DYSF: variants seen among roughly 807,000 people sequenced by gnomAD.
DYSF encodes dystrophy-associated fer-1-like 1.
DYSF carries 212 observed loss-of-function variants against 274.9 expected under a neutral mutation model. The ratio of observed to expected loss-of-function variants is 0.77; its 90% CI spans 0.69 to 0.86. The LOEUF (loss-of-function observed/expected upper bound fraction) is 0.86, where lower values mean the gene tolerates loss of function less well. Among genes scored for constraint, DYSF ranks in the 40% least tolerant of loss-of-function variants. DYSF has a pLI of 0.00. For synonymous variants in DYSF, 1,091 were observed against 1,078.7 expected, an observed-to-expected ratio of 1.01 and a Z score of -0.22; for missense variants, 2,666 against 2,783.2, an observed-to-expected ratio of 0.96 and a Z score of 0.95.
chr2:71,672,088 G>A (rs1159806307), intron 51 of DYSF, among the ~76,000 whole-genome samples: 1 of 150,954 alleles, frequency 6.6e-6, no homozygotes, highest in East Asian at 1.9e-4. Context: ...GCTGGAAGGA[G>A]GGGCGGAGAA....
intron 1 of DYSF, among the ~76,000 whole-genome samples, chr2:71,476,455 C>G (rs538191463): frequency 2.7e-4 from 41 of 151,584 alleles, no homozygotes; most frequent in Non-Finnish European, 7.4e-5. Context: ...GCATGAGAAT[C>G]GCTTGAACCT....
chr2:71,528,452 C>T, intron 14 of DYSF, 51 bp downstream of exon 14: 1 of 1,479,772 alleles, frequency 6.8e-7, no homozygotes, highest in Non-Finnish European at 9.4e-7. Context: ...CTTTCTGGTG[C>T]CCTGTGGACT....
upstream of DYSF, among the ~76,000 whole-genome samples, chr2:71,464,379 T>A (rs183564913): frequency 6.6e-6 from 1 of 152,302 alleles, no homozygotes; most frequent in East Asian, 1.9e-4. Context: ...TTAAGACACA[T>A]GTGCTATACA....
intron 42 of DYSF, among the ~76,000 whole-genome samples, chr2:71,646,143 A>G (rs1002068959): frequency 6.6e-6 from 1 of 152,242 alleles, no homozygotes; most frequent in Non-Finnish European, 1.5e-5. Flanking sequence ...TCAGGCAGCA[A>G]GTTCCTCCTC....
chr2:71,566,058 G>A (rs1489758639), intron 24 of DYSF, among the ~76,000 whole-genome samples: 1 of 152,196 alleles, frequency 6.6e-6, no homozygotes, highest in African/African-American at 2.4e-5. Flanking sequence ...GCCACCTGGG[G>A]CATGTTTCCC....
intron 1 of DYSF, among the ~76,000 whole-genome samples, chr2:71,461,053 A>G (rs2081264789): frequency 6.6e-6 from 1 of 152,196 alleles, no homozygotes; most frequent in African/African-American, 2.4e-5. Flanking sequence ...ACCAGTGGGC[A>G]GAACCCACAC....
intron 3 of DYSF, among the ~76,000 whole-genome samples, chr2:71,483,296 A>G (rs1238728457): frequency 1.3e-5 from 2 of 152,134 alleles, no homozygotes; most frequent in African/African-American, 4.8e-5. Flanking sequence ...CATTTCAGCT[A>G]CCTTCCAACG....
rs1553531682 is a variant in DYSF at position 71,528,296 on chromosome 2, A to C, written c.1277-2A>C. Reference sequence around the variant, plus strand: ...CAGTGACTGGTGTGTCCCTCTTCCCAGTGGACGATGCCGTGATGGACAACG... The same window carrying C: ...CAGTGACTGGTGTGTCCCTCTTCCCCGTGGACGATGCCGTGATGGACAACG... On this transcript the variant is annotated splice_acceptor_variant, in intron 13 of 55. Transcript: ENST00000410020. LOFTEE classifies it high-confidence loss of function. 2 of 1,613,468 alleles carry C rather than the reference A, an allele frequency of 1.2e-6. No homozygotes were observed. The highest frequency in any genetic ancestry group is 1.7e-6 in the Non-Finnish European group (2 of 1,179,696).
At chr2:71,618,810 G>A (rs1456861506) in intron 40 of DYSF, among the ~76,000 whole-genome samples, 1 of 151,790 alleles carries the variant, frequency 6.6e-6, no homozygotes, top group East Asian at 1.9e-4. Context: ...GGTGCCAGCA[G>A]GAGACAGGCC....
chr2:71,667,482 C>T lies in DYSF; in HGVS notation c.5424C>T (p.Pro1808=), dbSNP rs137855767. The part of the protein sequence containing the change: ...GLVPEHVESR[P]LYSPLQPDIE... The stretch of plus-strand genomic sequence containing the variant: ...TCCCGGAGCACGTGGAGTCACGGCC[C>T]CTCTACAGCCCCCTGCAGCCAGACA... The change falls in exon 48 of 56, where the codon CCC becomes CCT. Residue 1808 remains proline, a synonymous_variant. Transcript: ENST00000410020. The T allele has an allele frequency of 2.7e-5, 43 of 1,614,164 alleles. No individual in the cohort carries two copies. The African/African-American group carries it at 5.5e-4, about 21-fold the overall frequency.
intron 36 of DYSF, chr2:71,610,833 C>T: frequency 3.3e-6 from 1 of 300,350 alleles, no homozygotes; most frequent in Non-Finnish European, 6.5e-6. Context: ...GGCTGGCGGG[C>T]AGGCACATGG....
chr2:71,493,186 G>T (rs1196871856), intron 3 of DYSF, among the ~76,000 whole-genome samples: 1 of 152,154 alleles, frequency 6.6e-6, no homozygotes, highest in African/African-American at 2.4e-5. Flanking sequence ...ACAGCACCTG[G>T]CTGATACCAT....
At chr2:71,459,647 A>G (rs1339088152) in intron 1 of DYSF, among the ~76,000 whole-genome samples, 1 of 152,158 alleles carries the variant, frequency 6.6e-6, no homozygotes, top group Non-Finnish European at 1.5e-5. Context: ...ATTTTGTTAT[A>G]AAACATTGTA....
rs139483062 is a variant in DYSF, at chr2:71,658,722, A to G, written c.4756-156A>G. Among the ~76,000 whole-genome samples, 1,350 of 152,316 alleles carry G rather than the reference A, an allele frequency of 8.9e-3. 67 individuals carry two copies. Among genetic ancestry groups the G allele is most frequent in the Admixed American group, 0.076 (1,170 of 15,300 alleles). ...CTATCACGAGAATAGCATGGGAAAG[A>G]CTGGCCCCCATGATTCAATTATCTC... On this transcript the variant is annotated intron_variant, in intron 43 of 55. Transcript: ENST00000410020.
chr2:71,463,304 G>T (rs1271314054), upstream of DYSF, among the ~76,000 whole-genome samples: 2 of 152,242 alleles, frequency 1.3e-5, no homozygotes, highest in Non-Finnish European at 2.9e-5. Context: ...CTCCACCCTG[G>T]AGTGGGTGAC....
At chr2:71,518,451 C>G (rs1485599903) in intron 10 of DYSF, among the ~76,000 whole-genome samples, 1 of 142,292 alleles carries the variant, frequency 7.0e-6, no homozygotes, top group Non-Finnish European at 1.5e-5. Context: ...ATTTTTAGTA[C>G]AGATGGGGTT....
At chr2:71,632,608 T>C (rs2152911058) in intron 41 of DYSF, among the ~76,000 whole-genome samples, 1 of 152,346 alleles carries the variant, frequency 6.6e-6, no homozygotes, top group African/African-American at 2.4e-5. Flanking sequence ...GCCCAGGCCC[T>C]ATTGGAATTG....
chr2:71,592,194 G>A (rs1305394187), intron 32 of DYSF, among the ~76,000 whole-genome samples: 1 of 152,188 alleles, frequency 6.6e-6, no homozygotes, highest in Non-Finnish European at 1.5e-5. Flanking sequence ...GGCCCTGCGG[G>A]CCGAGCACCC....
chr2:71,473,246 A>C (rs2082163110), intron 1 of DYSF, among the ~76,000 whole-genome samples: 1 of 152,216 alleles, frequency 6.6e-6, no homozygotes, highest in Non-Finnish European at 1.5e-5. Context: ...CCAAGAGGTA[A>C]TACAGGCCTT....
Sources: gnomAD v4.1 joint callset for allele counts (sites outside exome capture counted in the v4.1 genomes callset) on GRCh38, gnomAD v4.1.1 for gene constraint, MANE v1.5 for transcripts, NCBI Gene and HGNC (gene_info 2026-07-23, HGNC 2026-07-21) for gene names.